PPP3CB: variants seen among roughly 807,000 people sequenced by gnomAD.
PPP3CB encodes the protein protein phosphatase 3 catalytic subunit beta.
A neutral mutation model predicts 66.4 loss-of-function variants in PPP3CB; 8 were observed. That is an observed-to-expected ratio of 0.12 (90% CI 0.07 to 0.22). The LOEUF (loss-of-function observed/expected upper bound fraction) is 0.22, where lower values mean the gene tolerates loss of function less well. PPP3CB is among the 10% of genes least tolerant of loss of function. PPP3CB has a pLI of 1.00. For missense variants in PPP3CB, 319 were observed against 642.5 expected (o/e 0.50, Z 5.44); for synonymous variants, 208 against 221.2 (o/e 0.94, Z 0.53).
At chr10:73,464,791 G>T (rs1474978416) in intron 9 of PPP3CB, among the ~76,000 whole-genome samples, 1 of 151,956 alleles carries the variant, frequency 6.6e-6, no homozygotes, top group Non-Finnish European at 1.5e-5. Context: ...AATTAGCCAG[G>T]TGTGGTACAG....
Position 73,444,842 on chromosome 10 carries a change from C to T in PPP3CB, c.1269-20G>A, listed in dbSNP as rs555442337. The stretch of plus-strand genomic sequence containing the variant: ...TCCTCCCTATAGCAGAGAGATATAA[C>T]AAATATCAGATACTTCCAACAAGTA... On this transcript the variant is annotated intron_variant, in intron 11 of 13. Coordinates refer to ENST00000360663, the MANE Select transcript of PPP3CB (RefSeq NM_021132.4). 3.1e-6 allele frequency: 5 copies of T among 1,609,002 alleles called. No individual in the cohort carries two copies. The African/African-American group carries it at 5.3e-5, about 17-fold the overall frequency.
At chr10:73,457,581 T>C (rs1050577106) in intron 9 of PPP3CB, among the ~76,000 whole-genome samples, 39 of 151,384 alleles carry the variant, frequency 2.6e-4, no homozygotes, top group African/African-American at 9.2e-4. Context: ...CTACTAAAAA[T>C]ACAAAAATTA....
chr10:73,447,323 A>G (rs2056273615), intron 10 of PPP3CB, among the ~76,000 whole-genome samples: 1 of 152,234 alleles, frequency 6.6e-6, no homozygotes, highest in African/African-American at 2.4e-5. Context: ...CAACTGATGT[A>G]GAAGAGAATA....
At chr10:73,449,484 G>A (rs1589687005) in intron 10 of PPP3CB, among the ~76,000 whole-genome samples, 1 of 152,166 alleles carries the variant, frequency 6.6e-6, no homozygotes, top group East Asian at 1.9e-4. Flanking sequence ...CTAATGCTGA[G>A]ATATATTATT....
intron 10 of PPP3CB, among the ~76,000 whole-genome samples, chr10:73,453,763 A>G (rs2056381254): frequency 6.6e-6 from 1 of 152,236 alleles, no homozygotes; most frequent in South Asian, 2.1e-4. Context: ...TCAGGTTTTA[A>G]TTAAACATTT....
At chr10:73,440,928 G>A (rs1392144881) in intron 12 of PPP3CB, among the ~76,000 whole-genome samples, 1 of 152,088 alleles carries the variant, frequency 6.6e-6, no homozygotes, top group Non-Finnish European at 1.5e-5. Flanking sequence ...TTCTGGGTTT[G>A]AACTGTATAA....
chr10:73,445,335 A>C (rs1469986184), intron 11 of PPP3CB, among the ~76,000 whole-genome samples: 1 of 152,248 alleles, frequency 6.6e-6, no homozygotes, highest in Non-Finnish European at 1.5e-5. Flanking sequence ...GTGTGAATTT[A>C]GTGTTATCAC....
intron 1 of PPP3CB, among the ~76,000 whole-genome samples, chr10:73,483,227 G>A (rs564235401): frequency 6.6e-6 from 1 of 152,300 alleles, no homozygotes; most frequent in South Asian, 2.1e-4. Context: ...TTCAAAACCA[G>A]CTGGGACAGC....
chr10:73,458,451 T>C (rs2056466069), intron 9 of PPP3CB, among the ~76,000 whole-genome samples: 2 of 152,078 alleles, frequency 1.3e-5, no homozygotes, highest in South Asian at 4.2e-4. Flanking sequence ...AATTTTTTAA[T>C]AAAGAAAATT....
chr10:73,474,054 T>A (rs1199854245), intron 4 of PPP3CB, among the ~76,000 whole-genome samples: 1 of 152,184 alleles, frequency 6.6e-6, no homozygotes, highest in Non-Finnish European at 1.5e-5. Context: ...TACATTTTTT[T>A]TTCCTGAGAC....
chr10:73,436,635 C>T lies in PPP3CB; in HGVS notation c.*1607G>A, dbSNP rs1399027251. The stretch of plus-strand genomic sequence containing the variant: ...ATGCTCATGTAAAACAAGTATATAA[C>T]AAAAGTTTTTTTTAAGGCAAAATTT... On this transcript the variant is annotated 3_prime_UTR_variant, in exon 14 of 14. Coordinates refer to ENST00000360663, the MANE Select transcript of PPP3CB (RefSeq NM_021132.4). 1 of 152,076 alleles carries T rather than the reference C, an allele frequency of 6.6e-6. No homozygotes were observed. The highest frequency in any genetic ancestry group is 1.9e-4 in the East Asian group (1 of 5,198). The allele number at this position is 152,076 out of a possible 1,614,324, so 9.4% of individuals were successfully genotyped here.
rs138418036 is a variant in PPP3CB, at chr10:73,472,175, G to A, written c.524-562C>T. 3.4e-4 allele frequency among the ~76,000 whole-genome samples: 52 copies of A among 152,268 alleles called. No individual in the cohort carries two copies. The East Asian group carries it at 8.3e-3, about 24-fold the overall frequency. On this transcript the variant is annotated intron_variant, in intron 4 of 13. Coordinates refer to ENST00000360663, the MANE Select transcript of PPP3CB (RefSeq NM_021132.4). The stretch of plus-strand genomic sequence containing the variant: ...TTTTGGATGACAGAAAAGTCATCAC[G>A]TATTGTTAAAAATAAGTCAGTCAAA...
rs558620079 is a variant in PPP3CB, at chr10:73,439,857, G to A, written c.1396+15C>T. On this transcript the variant is annotated intron_variant, in intron 13 of 13. Coordinates refer to ENST00000360663, the MANE Select transcript of PPP3CB (RefSeq NM_021132.4). ...CACCACAGATCTCTGCCCAGCACAA[G>A]GACTCTGATCATACCTTTTTCAGCC... 1.2e-6 allele frequency: 2 copies of A among 1,612,342 alleles called. No homozygotes were observed. The highest frequency in any genetic ancestry group is 1.7e-4 in the Middle Eastern group (1 of 6,056).
intron 1 of PPP3CB, among the ~76,000 whole-genome samples, chr10:73,494,421 G>A (rs1194916823): frequency 6.6e-6 from 1 of 152,054 alleles, no homozygotes; most frequent in Non-Finnish European, 1.5e-5. Flanking sequence ...CCGATCCGCT[G>A]GGACTACAGG....
At chr10:73,443,292 G>GA (rs1234564365) in intron 12 of PPP3CB, among the ~76,000 whole-genome samples, 1 of 116,116 alleles carries the variant, frequency 8.6e-6, no homozygotes, top group African/African-American at 4.0e-5. Context: ...AAGACAGAAA[G>GA]AAAGAAAGAA....
At chr10:73,487,466 T>G (rs1317012524) in intron 1 of PPP3CB, among the ~76,000 whole-genome samples, 6 of 149,180 alleles carry the variant, frequency 4.0e-5, no homozygotes, top group Non-Finnish European at 8.9e-5. Context: ...GAGAGTTGCT[T>G]GAACCTGGGA....
At chr10:73,476,438 G>A (rs949372046) in intron 3 of PPP3CB, among the ~76,000 whole-genome samples, 9 of 151,958 alleles carry the variant, frequency 5.9e-5, no homozygotes, top group East Asian at 1.9e-4. Flanking sequence ...CCAACATGGC[G>A]AAACTCCATC....
intron 11 of PPP3CB, among the ~76,000 whole-genome samples, chr10:73,445,799 A>G (rs1397612158): frequency 7.1e-5 from 10 of 141,436 alleles, no homozygotes; most frequent in African/African-American, 2.7e-4. Context: ...CCCAGGCTGG[A>G]GTGCAGTGGC....
chr10:73,465,222 A>G (rs1471979816), intron 9 of PPP3CB, among the ~76,000 whole-genome samples: 2 of 152,022 alleles, frequency 1.3e-5, no homozygotes, highest in African/African-American at 4.8e-5. Flanking sequence ...AATGTAAGTT[A>G]TTTTACTTCT....
Sources: gnomAD v4.1 joint callset for allele counts (sites outside exome capture counted in the v4.1 genomes callset) on GRCh38, gnomAD v4.1.1 for gene constraint, MANE v1.5 for transcripts, NCBI Gene and HGNC (gene_info 2026-07-23, HGNC 2026-07-21) for gene names.